Variants in MORC4 observed in about 807,000 individuals in gnomAD.
MORC4 encodes MORC family CW-type zinc finger 4.
Under a neutral mutation model 65.5 loss-of-function variants are expected in MORC4, and 22 were observed. That is an observed-to-expected ratio of 0.34 (90% CI 0.24 to 0.48). The LOEUF is 0.48. Ranked by LOEUF, MORC4 falls within the 20% of genes least tolerant of loss-of-function variation. MORC4 has a pLI of 0.99. For synonymous variants in MORC4, 267 were observed against 255.8 expected (o/e 1.04, Z -0.42); for missense variants, 624 against 703.0 (o/e 0.89, Z 1.27).
At chrX:106,969,756 A>G (rs1433824279) in intron 9 of MORC4, among the ~76,000 whole-genome samples, 1 of 111,515 alleles carries the variant, frequency 9.0e-6, no homozygotes, top group Non-Finnish European at 1.9e-5. Context: ...CGACACATAC[A>G]CCCTCCTAAG....
intron 5 of MORC4, among the ~76,000 whole-genome samples, chrX:106,982,010 T>C (rs1934754761): frequency 8.9e-6 from 1 of 112,185 alleles, no homozygotes; most frequent in Non-Finnish European, 1.9e-5. Flanking sequence ...AGAATTATCA[T>C]TTAAACATAA....
At chrX:106,998,289 A>C (rs932383376) in intron 2 of MORC4, among the ~76,000 whole-genome samples, 1 of 112,392 alleles carries the variant, frequency 8.9e-6, no homozygotes, top group Non-Finnish European at 1.9e-5. Flanking sequence ...GTGTGTGCAT[A>C]ATACATACAC....
At chrX:106,981,070 T>C in intron 6 of MORC4, 51 bp from the exon 7 acceptor site, 1 of 1,179,753 alleles carries the variant, frequency 8.5e-7, no homozygotes, top group Non-Finnish European at 1.1e-6. Flanking sequence ...TTGCCAATTC[T>C]GCTGACATCC....
At chrX:106,969,834 A>G (rs1281202387) in intron 9 of MORC4, among the ~76,000 whole-genome samples, 5 of 111,946 alleles carry the variant, frequency 4.5e-5, no homozygotes, top group African/African-American at 1.6e-4. Flanking sequence ...GGCAATAATT[A>G]ATAGCCTACC....
chrX:106,974,285 T>C (rs1934579428), intron 9 of MORC4, among the ~76,000 whole-genome samples: 1 of 111,821 alleles, frequency 8.9e-6, no homozygotes, highest in Non-Finnish European at 1.9e-5. Flanking sequence ...TTTCTGGCCC[T>C]TTTCAGAAAA....
chrX:106,990,811 G>T (rs759152282), intron 3 of MORC4, among the ~76,000 whole-genome samples: 124 of 111,127 alleles, frequency 1.1e-3, no homozygotes, highest in Non-Finnish European at 1.9e-3. Context: ...GGGGCAGGTT[G>T]CAATGAGCTG....
chrX:106,968,665 AAG>A, intron 9 of MORC4, among the ~76,000 whole-genome samples: 2 of 107,082 alleles, frequency 1.9e-5, no homozygotes, highest in Non-Finnish European at 3.8e-5. Flanking sequence ...AAAAAAAAAA[AAG>A]CAGGGGTTGC....
chrX:106,987,477 G>A (rs1390384798), intron 3 of MORC4, among the ~76,000 whole-genome samples: 1 of 111,902 alleles, frequency 8.9e-6, no homozygotes, highest in African/African-American at 3.2e-5. Flanking sequence ...CAAGCATTGG[G>A]CTAAGCACTA....
At chrX:106,987,861 T>A (rs1349810515) in intron 3 of MORC4, among the ~76,000 whole-genome samples, 3 of 2,985 alleles carry the variant, frequency 1.0e-3, no homozygotes, top group African/African-American at 4.2e-3. Flanking sequence ...GCAGCAGTCC[T>A]TTGGGAAAAA....
At chrX:106,966,119 G>GC (rs1446916073) in intron 9 of MORC4, among the ~76,000 whole-genome samples, 1 of 111,964 alleles carries the variant, frequency 8.9e-6, no homozygotes, top group Non-Finnish European at 1.9e-5. Context: ...AAGAAACCAG[G>GC]ACTTGATTAC....
rs1409462881 is a variant in MORC4, at chrX:106,942,549, C to A, written c.2342G>T (p.Arg781Leu). 8.3e-7 allele frequency: 1 copy of A among 1,209,078 alleles called. No individual in the cohort carries two copies. Among genetic ancestry groups the A allele is most frequent in the African/African-American group, 1.7e-5 (1 of 57,146 alleles). ...ELKRTTEKLE[R>L]VLAERNLFQQ... is the part of the protein sequence containing the mutation. ...GAACAAATTCCTTTCAGCCAAAACA[C>A]GTTCCAATTTTTCTGTGGTTCTCTT... is the stretch of plus-strand genomic sequence containing the variant. The change falls in exon 15 of 17, where the codon CGT becomes CTT. Residue 781 changes from arginine (R) to leucine (L), a missense_variant. Arg to Leu is a moderately radical substitution (Grantham distance 102, BLOSUM62 -2). Coordinates refer to ENST00000355610, the MANE Select transcript of MORC4 (RefSeq NM_024657.5).
intron 9 of MORC4, among the ~76,000 whole-genome samples, chrX:106,973,458 G>A (rs550849989): frequency 6.3e-5 from 7 of 111,520 alleles, no homozygotes; most frequent in Admixed American, 5.7e-4. Flanking sequence ...GCTGTAATGG[G>A]TAGGGACTTT....
chrX:106,955,261 C>T (rs924512433), intron 13 of MORC4, among the ~76,000 whole-genome samples, 173 bp from the exon 14 acceptor site: 1 of 111,306 alleles, frequency 9.0e-6, no homozygotes, highest in Non-Finnish European at 1.9e-5. Flanking sequence ...CCCAGGCATA[C>T]TCAGTTATCA....
chrX:106,953,182 A>T (rs532071975), intron 14 of MORC4, among the ~76,000 whole-genome samples: 48 of 112,260 alleles, frequency 4.3e-4, no homozygotes, highest in Admixed American at 6.6e-4. Flanking sequence ...CTGATGAAGT[A>T]TGCCACCCAA....
rs1166752140 is a variant in MORC4, at chrX:106,994,540, A to G, written c.176-1178T>C. On this transcript the variant is annotated intron_variant, in intron 2 of 16. Transcript: ENST00000355610. ...CCCTTACAATCCAGAGAAGTATTAC[A>G]AATATGCAAAACACCCATTTTTTAT... Among the ~76,000 whole-genome samples, 6 of 112,479 alleles carry G rather than the reference A, an allele frequency of 5.3e-5. No individual in the cohort carries two copies. In the Admixed American group the frequency reaches 5.6e-4, roughly 11 times the overall value.
chrX:106,941,551 C>T lies in MORC4; in HGVS notation c.2742G>A (p.Glu914=), dbSNP rs2147800323. 8.3e-7 allele frequency: 1 copy of T among 1,209,748 alleles called. No individual in the cohort carries two copies. Among genetic ancestry groups the T allele is most frequent in the Non-Finnish European group, 1.1e-6 (1 of 893,901 alleles). ...TSVLPHLELR[E]IGYDSEQVDG... ...CCACTTGTTCTGAGTCATACCCGAT[C>T]TCACGAAGCTCCAAGTGAGGGAGGA... is the stretch of plus-strand genomic sequence containing the variant. The change falls in exon 17 of 17, where the codon GAG becomes GAA. Residue 914 remains glutamate, a synonymous_variant. Transcript: ENST00000355610.
At chrX:106,952,169 T>C (rs1344760685) in intron 14 of MORC4, among the ~76,000 whole-genome samples, 2 of 111,159 alleles carry the variant, frequency 1.8e-5, no homozygotes, top group Non-Finnish European at 3.8e-5. Context: ...AATACAGTCG[T>C]GCATTACTTA....
intron 14 of MORC4, among the ~76,000 whole-genome samples, chrX:106,951,188 G>A (rs937939043): frequency 2.7e-5 from 3 of 110,953 alleles, no homozygotes; most frequent in African/African-American, 6.6e-5. Flanking sequence ...GTTATTTCAA[G>A]TATTCCTTTA....
At chrX:106,996,430 TTCGGTC>T (rs1051596692) in intron 2 of MORC4, among the ~76,000 whole-genome samples, 5 of 110,499 alleles carry the variant, frequency 4.5e-5, no homozygotes, top group Admixed American at 2.9e-4. Flanking sequence ...TGGCCCTTCA[TTCGGTC>T]TCAGCAAATG....
Sources: allele counts gnomAD v4.1 joint callset (sites outside exome capture counted in the v4.1 genomes callset), GRCh38; gene constraint gnomAD v4.1.1; transcripts MANE v1.5; gene names NCBI Gene and HGNC (gene_info 2026-07-23, HGNC 2026-07-21).